Variants in TP53BP1 observed in about 807,000 individuals in gnomAD.
TP53BP1 encodes the protein tumor protein p53 binding protein 1, also known as TP53-binding protein 1.
Under a neutral mutation model 200.8 loss-of-function variants are expected in TP53BP1, and 61 were observed. That is an observed-to-expected ratio of 0.30 (90% CI 0.25 to 0.38). The LOEUF (loss-of-function observed/expected upper bound fraction) is 0.38, where lower values mean the gene tolerates loss of function less well. Ranked by LOEUF, TP53BP1 falls within the 10% of genes least tolerant of loss-of-function variation. TP53BP1 has a pLI of 1.00. For synonymous variants in TP53BP1, 822 were observed against 844.3 expected (o/e 0.97, Z 0.46); for missense variants, 2,144 against 2,371.9 (o/e 0.90, Z 2.00).
intron 21 of TP53BP1, among the ~76,000 whole-genome samples, chr15:43,419,462 C>T (rs978545078): frequency 6.6e-6 from 1 of 150,722 alleles, no homozygotes; most frequent in African/African-American, 2.4e-5. Context: ...TGAGCTTAAG[C>T]AATCCGCCTG....
Position 43,446,465 on chromosome 15 carries a change from C to T in TP53BP1, c.2962G>A (p.Asp988Asn), listed in dbSNP as rs892042031. The change falls in exon 14 of 28, where the codon GAT (aspartate) becomes AAT (asparagine). Residue 988 changes from aspartate to asparagine, a missense_variant. Transcript: ENST00000382044. ...AGTTTCATTCTTAGACATAATTTATCATCCACGTCTGGGGCAGCCCCAGAA... is the reference window on the plus strand; with the variant it reads ...AGTTTCATTCTTAGACATAATTTATTATCCACGTCTGGGGCAGCCCCAGAA... Reference protein sequence around the residue: ...GDSGAAPDVDDKLCLRMKLVS... With the variant: ...GDSGAAPDVDNKLCLRMKLVS... 3 of 1,614,072 alleles carry T rather than the reference C, an allele frequency of 1.9e-6. No homozygotes were observed. Among genetic ancestry groups the T allele is most frequent in the Non-Finnish European group, 2.5e-6 (3 of 1,180,034 alleles).
chr15:43,437,459 G>T (rs1469422831), intron 16 of TP53BP1, among the ~76,000 whole-genome samples: 1 of 152,052 alleles, frequency 6.6e-6, no homozygotes, highest in Non-Finnish European at 1.5e-5. Flanking sequence ...ACAGTGAGAA[G>T]CCATCTCTAC....
intron 4 of TP53BP1, among the ~76,000 whole-genome samples, chr15:43,489,298 A>G (rs1409829022): frequency 1.3e-5 from 2 of 152,246 alleles, no homozygotes; most frequent in African/African-American, 4.8e-5. Flanking sequence ...TTTATTTAAC[A>G]TGAAAAGAAG....
intron 18 of TP53BP1, among the ~76,000 whole-genome samples, chr15:43,426,478 C>T (rs1311633988): frequency 2.1e-5 from 3 of 144,280 alleles, no homozygotes; most frequent in East Asian, 2.1e-4. Flanking sequence ...AAAACAATTA[C>T]TCAATGAGTG....
Position 43,404,485 on chromosome 15 carries a change from T to G in TP53BP1, c.*2898A>C. ...TCGGAATCATCAGATCAACTCAGAT[T>G]TGGCTCAACTACTGTTACGACTAGA... On this transcript the variant is annotated 3_prime_UTR_variant, in exon 28 of 28. Coordinates refer to ENST00000382044, the MANE Select transcript of TP53BP1 (RefSeq NM_001141980.3). The G allele has an allele frequency of 6.2e-7, 1 of 1,614,196 alleles. No homozygotes were observed. The highest frequency in any genetic ancestry group is 1.1e-5 in the South Asian group (1 of 91,084).
intron 11 of TP53BP1, among the ~76,000 whole-genome samples, chr15:43,464,184 C>T (rs562448031): frequency 1.3e-5 from 2 of 152,284 alleles, no homozygotes; most frequent in South Asian, 2.1e-4. Context: ...GATTACCAGA[C>T]ATCTGAGGAA....
rs1057076739 is a variant in TP53BP1 at position 43,479,544 on chromosome 15, T to C, written c.659-18A>G. ...CTTAATTGCTGAGAGTTTTATAAAA[T>C]GACAGGAAGGAGATAATTAAGTTTT... On this transcript the variant is annotated intron_variant, in intron 6 of 27. Transcript: ENST00000382044. 6.3e-7 allele frequency: 1 copy of C among 1,599,854 alleles called. No individual in the cohort carries two copies. The highest frequency in any genetic ancestry group is 8.5e-7 in the Non-Finnish European group (1 of 1,174,704).
intron 1 of TP53BP1, among the ~76,000 whole-genome samples, chr15:43,501,719 G>A (rs547051357): frequency 3.9e-5 from 6 of 152,274 alleles, no homozygotes; most frequent in African/African-American, 9.6e-5. Context: ...CACACAGTAC[G>A]TGGTCTTTTG....
chr15:43,403,997 A>G lies in TP53BP1; in HGVS notation c.*3386T>C. Reference sequence around the variant, plus strand: ...ACTGTGCCACCTCACAGTGCTCAAAAATAGTTCAGTCCTGAATAGTTTATT... The same window carrying G: ...ACTGTGCCACCTCACAGTGCTCAAAGATAGTTCAGTCCTGAATAGTTTATT... On this transcript the variant is annotated 3_prime_UTR_variant, in exon 28 of 28. Transcript: ENST00000382044. 1 of 587,190 alleles carries G rather than the reference A, an allele frequency of 1.7e-6. No individual in the cohort carries two copies. Among genetic ancestry groups the G allele is most frequent in the Non-Finnish European group, 3.0e-6 (1 of 329,016 alleles). The allele number at this position is 587,190 out of a possible 1,614,324, so 36.4% of individuals were successfully genotyped here.
chr15:43,414,275 C>T (rs1020821742), intron 23 of TP53BP1, among the ~76,000 whole-genome samples: 3 of 152,208 alleles, frequency 2.0e-5, no homozygotes, highest in Non-Finnish European at 4.4e-5. Context: ...AAGTCTTCAA[C>T]TGGAAAACTC....
intron 11 of TP53BP1, among the ~76,000 whole-genome samples, chr15:43,467,642 C>A (rs2046617307): frequency 6.6e-6 from 1 of 152,076 alleles, no homozygotes; most frequent in Non-Finnish European, 1.5e-5. Context: ...ATCATCTCCA[C>A]CCCCCCAACC....
intron 11 of TP53BP1, among the ~76,000 whole-genome samples, chr15:43,466,772 G>A (rs1265730445): frequency 6.6e-6 from 1 of 152,124 alleles, no homozygotes; most frequent in Non-Finnish European, 1.5e-5. Context: ...TGGGAGGATG[G>A]CCTGAGTACA....
At chr15:43,427,755 A>AGATCAGCCTGGGCAACACAGTGGGACCTT (rs1298542404) in intron 18 of TP53BP1, among the ~76,000 whole-genome samples, 12 of 152,140 alleles carry the variant, frequency 7.9e-5, no homozygotes, top group Admixed American at 3.3e-4. Context: ...TAGGAGTTCA[A>AGATCAGCCTGGGCAACACAGTGGGACCTT]GATCAGCCTG....
At chr15:43,438,458 A>T (rs368476599) in intron 15 of TP53BP1, 42 bp from the exon 16 acceptor site, 28 of 1,519,356 alleles carry the variant, frequency 1.8e-5, no homozygotes, top group Middle Eastern at 1.7e-4. Context: ...AACTTTGAAA[A>T]GAAAAGTACT....
intron 11 of TP53BP1, among the ~76,000 whole-genome samples, chr15:43,463,930 C>T (rs569385028): frequency 4.6e-5 from 7 of 152,260 alleles, no homozygotes; most frequent in African/African-American, 1.7e-4. Context: ...ACCCAAAGCC[C>T]GCTTCCATTA....
chr15:43,457,494 AC>A (rs1470705398), intron 11 of TP53BP1, among the ~76,000 whole-genome samples: 2 of 151,768 alleles, frequency 1.3e-5, no homozygotes, highest in African/African-American at 4.8e-5. Context: ...ACACGGTGAA[AC>A]CCTGTCTCTA....
intron 11 of TP53BP1, among the ~76,000 whole-genome samples, chr15:43,461,029 A>G (rs2046416484): frequency 1.3e-5 from 2 of 151,962 alleles, no homozygotes; most frequent in African/African-American, 4.8e-5. Flanking sequence ...AAAAAGGTTC[A>G]ACATTTCTAA....
At chr15:43,454,562 C>T (rs2046250011) in intron 12 of TP53BP1, among the ~76,000 whole-genome samples, 1 of 151,664 alleles carries the variant, frequency 6.6e-6, no homozygotes, top group Non-Finnish European at 1.5e-5. Flanking sequence ...AGGGTTTCTC[C>T]ATGTTGGTCA....
At chr15:43,460,892 G>A (rs2046413314) in intron 11 of TP53BP1, among the ~76,000 whole-genome samples, 1 of 151,662 alleles carries the variant, frequency 6.6e-6, no homozygotes, top group Admixed American at 6.6e-5. Context: ...TGAGTGTGGT[G>A]GCACACGTCT....
Sources: allele counts gnomAD v4.1 joint callset (sites outside exome capture counted in the v4.1 genomes callset), GRCh38; gene constraint gnomAD v4.1.1; transcripts MANE v1.5; gene names NCBI Gene and HGNC (gene_info 2026-07-23, HGNC 2026-07-21).